Variants in KBTBD11 observed in about 807,000 individuals in gnomAD.
KBTBD11 encodes the protein kelch repeat and BTB domain containing 11, also known as kelch repeat and BTB domain-containing protein 11.
For synonymous variants in KBTBD11, 747 were observed against 499.0 expected (o/e 1.50, Z -6.63); for missense variants, 1,390 against 1,001.8 (o/e 1.39, Z -5.23).
At position 2,002,576 on chromosome 8, in the gene KBTBD11, T is replaced by C; in HGVS notation, c.1384T>C (p.Ser462Pro). The C allele has an allele frequency of 1.3e-6, 2 of 1,581,944 alleles. No individual in the cohort carries two copies. The highest frequency in any genetic ancestry group is 1.7e-6 in the Non-Finnish European group (2 of 1,173,164). The change falls in exon 2 of 2, where the codon TCC (serine) becomes CCC (proline). Residue 462 changes from serine to proline, a missense_variant. Transcript: ENST00000320248. This position sits in a 1 kb window ranked among gnomAD's most constrained non-coding sequence, Gnocchi z 4.1. ...CACCTGCCACGGCGAGATCTACGTG[T>C]CCGGGGGCTCCCTCTTCTATCGCCT... ...ATTCHGEIYVSGGSLFYRLLK... is the reference protein window; with the variant it reads ...ATTCHGEIYVPGGSLFYRLLK...
chr8:2,001,452 C>A lies in KBTBD11; in HGVS notation c.260C>A (p.Ser87Tyr), dbSNP rs1585760193. 4 of 1,360,894 alleles carry A rather than the reference C, an allele frequency of 2.9e-6. No homozygotes were observed. Among genetic ancestry groups the A allele is most frequent in the Non-Finnish European group, 9.4e-7 (1 of 1,065,482 alleles). The allele number at this position is 1,360,894 out of a possible 1,614,324, so 84.3% of individuals were successfully genotyped here. ...GAGGCCGGCAGCGCGGGCGCCGCGTCCCCGGAGGAGCTCGCGTCCCCTGAG... is the reference window on the plus strand; with the variant it reads ...GAGGCCGGCAGCGCGGGCGCCGCGTACCCGGAGGAGCTCGCGTCCCCTGAG... ...QWEAGSAGAASPEELASPEER... is the reference protein window; with the variant it reads ...QWEAGSAGAAYPEELASPEER... The change falls in exon 2 of 2, where the codon TCC becomes TAC. Residue 87 changes from serine to tyrosine, a missense_variant. Physicochemically the swap from Ser to Tyr is moderately radical, Grantham distance 144 (BLOSUM62 -2). Transcript: ENST00000320248.
chr8:1,982,536 C>G (rs1013035736), intron 1 of KBTBD11, among the ~76,000 whole-genome samples: 1 of 152,092 alleles, frequency 6.6e-6, no homozygotes, highest in Non-Finnish European at 1.5e-5. Flanking sequence ...TGAGGAAACA[C>G]AGGTTGAGAG....
intron 1 of KBTBD11, among the ~76,000 whole-genome samples, chr8:1,981,773 C>G (rs1000324478): frequency 6.6e-6 from 1 of 152,196 alleles, no homozygotes. Context: ...GTTCTCCAGC[C>G]TTTGGACTCT....
intron 1 of KBTBD11, chr8:1,974,629 C>A: frequency 1.0e-6 from 1 of 985,384 alleles, no homozygotes; most frequent in African/African-American, 1.7e-5. Flanking sequence ...GCCGCGGCTC[C>A]CGAGTCCTGC....
In KBTBD11 at chr8:2,002,791, G is replaced by A. The variant is rs1233690548; in HGVS notation, c.1599G>A (p.Gln533=). The A allele has an allele frequency of 8.9e-6, 13 of 1,456,808 alleles. No homozygotes were observed. The highest frequency in any genetic ancestry group is 7.8e-5 in the Admixed American group (3 of 38,570). The allele number at this position is 1,456,808 out of a possible 1,614,324, so 90.2% of individuals were successfully genotyped here. ...CCCGATACCACTGCCTGGCCAAGCA[G>A]TGGAGCCCGTGCGTCGCGCCCCTGC... ...SVSRYHCLAK[Q]WSPCVAPLRL... The change falls in exon 2 of 2, where the codon CAG becomes CAA. Residue 533 remains glutamine, a synonymous_variant. Coordinates refer to ENST00000320248, the MANE Select transcript of KBTBD11 (RefSeq NM_014867.3). This position sits in a 1 kb window ranked among gnomAD's most constrained non-coding sequence, Gnocchi z 4.1.
rs78938173 is a variant in KBTBD11 at position 1,989,481 on chromosome 8, A to G, written c.-908-10804A>G. 6.6e-4 allele frequency among the ~76,000 whole-genome samples: 100 copies of G among 152,282 alleles called. 1 individual carries two copies. Among genetic ancestry groups the G allele is most frequent in the African/African-American group, 2.3e-3 (94 of 41,544 alleles). The stretch of plus-strand genomic sequence containing the variant: ...TGCAAGGACATCTCATTCCTCTTCT[A>G]CTTTCAAGTATGGTCCATGCAGGTG... On this transcript the variant is annotated intron_variant, in intron 1 of 1. Transcript: ENST00000320248.
chr8:2,002,725 C>G lies in KBTBD11; in HGVS notation c.1533C>G (p.Arg511=). 8 of 1,510,638 alleles carry G rather than the reference C, an allele frequency of 5.3e-6. No homozygotes were observed. Among genetic ancestry groups the G allele is most frequent in the Non-Finnish European group, 7.0e-6 (8 of 1,136,688 alleles). 93.6% of individuals were successfully genotyped at this position (1,510,638 alleles called of 1,614,324 possible). Residue 511 remains arginine, a synonymous_variant, in exon 2 of 2, where the codon CGC becomes CGG. Coordinates refer to ENST00000320248, the MANE Select transcript of KBTBD11 (RefSeq NM_014867.3). The surrounding 1 kb of genome is among the most constrained non-coding windows in gnomAD (Gnocchi z 4.1). ...FIYRFDLSGS[R]GEAQAAGPSG... ...ACCGCTTCGATCTGAGCGGCAGCCGCGGCGAGGCGCAGGCGGCGGGGCCGA... is the reference window on the plus strand; with the variant it reads ...ACCGCTTCGATCTGAGCGGCAGCCGGGGCGAGGCGCAGGCGGCGGGGCCGA...
Position 2,003,197 on chromosome 8 carries a change from C to T in KBTBD11, c.*133C>T, listed in dbSNP as rs945587797. 3 of 1,220,146 alleles carry T rather than the reference C, an allele frequency of 2.5e-6. No individual in the cohort carries two copies. Among genetic ancestry groups the T allele is most frequent in the Non-Finnish European group, 3.1e-6 (3 of 965,458 alleles). 75.6% of individuals were successfully genotyped at this position (1,220,146 alleles called of 1,614,324 possible). On this transcript the variant is annotated 3_prime_UTR_variant, in exon 2 of 2. Coordinates refer to ENST00000320248, the MANE Select transcript of KBTBD11 (RefSeq NM_014867.3). ...GGTGGTTTGGACACTTCGAAGGAGCCCCGAGGACGCTCTCAGGGCCGCTTT... is the reference window on the plus strand; with the variant it reads ...GGTGGTTTGGACACTTCGAAGGAGCTCCGAGGACGCTCTCAGGGCCGCTTT...
rs1394472376 is a variant in KBTBD11 at position 2,003,807 on chromosome 8, T to C, written c.*743T>C. 5 of 166,944 alleles carry C rather than the reference T, an allele frequency of 3.0e-5. No individual in the cohort carries two copies. The highest frequency in any genetic ancestry group is 5.9e-5 in the Non-Finnish European group (4 of 68,106). 10.3% of individuals were successfully genotyped at this position (166,944 alleles called of 1,614,324 possible). A position where few individuals can be genotyped will look rare whatever the true frequency, so the allele number is the denominator to read the frequency against. The stretch of plus-strand genomic sequence containing the variant: ...TAACTGATGTAGCGATGATTTACCA[T>C]TATTTAAATTTTAAGTCTTCAGTGG... On this transcript the variant is annotated 3_prime_UTR_variant, in exon 2 of 2. Transcript: ENST00000320248.
chr8:2,001,366 G>A lies in KBTBD11; in HGVS notation c.174G>A (p.Ala58=). ...ESPPQSLASA[A]EGAATSPPSS... ...CGCCGCAGTCCCTCGCCTCAGCGGC[G>A]GAAGGCGCGGCCACCTCCCCGCCCT... Residue 58 remains alanine, a synonymous_variant, in exon 2 of 2, where the codon GCG becomes GCA. Coordinates refer to ENST00000320248, the MANE Select transcript of KBTBD11 (RefSeq NM_014867.3). 1.4e-6 allele frequency: 2 copies of A among 1,474,776 alleles called. No homozygotes were observed. The highest frequency in any genetic ancestry group is 2.3e-5 in the Admixed American group (1 of 44,258). The allele number at this position is 1,474,776 out of a possible 1,614,324, so 91.4% of individuals were successfully genotyped here. A position where few individuals can be genotyped will look rare whatever the true frequency, so the allele number is the denominator to read the frequency against.
At chr8:2,000,198 G>A (rs770926711) in intron 1 of KBTBD11, 87 bp from the exon 2 acceptor site, 12 of 152,282 alleles carry the variant, frequency 7.9e-5, no homozygotes, top group Admixed American at 5.2e-4. Context: ...TCTGAACGTT[G>A]GAGAGGGAAG....
intron 1 of KBTBD11, among the ~76,000 whole-genome samples, chr8:1,987,096 A>T (rs1045243697): frequency 4.6e-5 from 7 of 151,612 alleles, no homozygotes; most frequent in African/African-American, 1.5e-4. Flanking sequence ...GAACAGAGAC[A>T]CTGGAAGCCC....
chr8:1,977,158 G>A (rs963873175), intron 1 of KBTBD11, among the ~76,000 whole-genome samples: 2 of 151,538 alleles, frequency 1.3e-5, no homozygotes, highest in Non-Finnish European at 2.9e-5. Flanking sequence ...AATTCTTCCA[G>A]TGTGGCCCAC....
chr8:2,003,310 G>A lies in KBTBD11; in HGVS notation c.*246G>A. ...GTGCGGATGGGTCCCTTGACAGACAGGACACAGAGAAGGCTGTGGGATCCA... is the reference window on the plus strand; with the variant it reads ...GTGCGGATGGGTCCCTTGACAGACAAGACACAGAGAAGGCTGTGGGATCCA... On this transcript the variant is annotated 3_prime_UTR_variant, in exon 2 of 2. Coordinates refer to ENST00000320248, the MANE Select transcript of KBTBD11 (RefSeq NM_014867.3). The A allele has an allele frequency of 2.2e-6, 1 of 457,958 alleles. No homozygotes were observed. The highest frequency in any genetic ancestry group is 4.1e-5 in the East Asian group (1 of 24,106). The allele number at this position is 457,958 out of a possible 1,614,324, so 28.4% of individuals were successfully genotyped here.
At chr8:1,999,292 A>G (rs1817257970) in intron 1 of KBTBD11, among the ~76,000 whole-genome samples, 1 of 152,216 alleles carries the variant, frequency 6.6e-6, no homozygotes, top group African/African-American at 2.4e-5. Flanking sequence ...AGGTAATGCT[A>G]TTGCACATAA....
At chr8:1,981,010 G>A (rs962928153) in intron 1 of KBTBD11, among the ~76,000 whole-genome samples, 14 of 152,214 alleles carry the variant, frequency 9.2e-5, no homozygotes, top group Admixed American at 2.6e-4. Flanking sequence ...ATAGTAACAA[G>A]GGCAGTAGGA....
chr8:1,986,660 G>T (rs1230780128), intron 1 of KBTBD11, among the ~76,000 whole-genome samples: 1 of 152,162 alleles, frequency 6.6e-6, no homozygotes, highest in African/African-American at 2.4e-5. Flanking sequence ...ACTTAGGTGT[G>T]TTTAAGGTTG....
chr8:1,976,903 C>A (rs185088365), intron 1 of KBTBD11, among the ~76,000 whole-genome samples: 1 of 151,990 alleles, frequency 6.6e-6, no homozygotes, highest in Non-Finnish European at 1.5e-5. Context: ...CAGTGAGGGG[C>A]GCTGGAGCAG....
Position 2,001,509 on chromosome 8 carries a change from C to G in KBTBD11, c.317C>G (p.Pro106Arg). Residue 106 changes from proline (P) to arginine (R), a missense_variant, in exon 2 of 2, where the codon CCG (proline) becomes CGG (arginine). By Grantham distance (103) the Pro-to-Arg change is moderately radical. Transcript: ENST00000320248. The part of the protein sequence containing the change: ...ERACPEEPAA[P>R]SPEPRVWLED... ...GCGTGCCCGGAAGAGCCCGCGGCGC[C>G]GTCCCCCGAACCGCGCGTTTGGCTT... The G allele has an allele frequency of 7.1e-7, 1 of 1,398,718 alleles. No individual in the cohort carries two copies. Among genetic ancestry groups the G allele is most frequent in the Non-Finnish European group, 9.2e-7 (1 of 1,082,074 alleles). 86.6% of individuals were successfully genotyped at this position (1,398,718 alleles called of 1,614,324 possible).
Sources: allele counts gnomAD v4.1 joint callset (sites outside exome capture counted in the v4.1 genomes callset), GRCh38; gene constraint gnomAD v4.1.1; non-coding constraint Gnocchi (gnomAD v3.1); transcripts MANE v1.5; gene names NCBI Gene and HGNC (gene_info 2026-07-23, HGNC 2026-07-21).